XPNPEP1: variants seen among roughly 807,000 people sequenced by gnomAD.
XPNPEP1 encodes xaa-Pro aminopeptidase 1.
XPNPEP1 carries 39 observed loss-of-function variants against 92.4 expected under a neutral mutation model. That is an observed-to-expected ratio of 0.42 (90% CI 0.33 to 0.55). The LOEUF is 0.55. XPNPEP1 is among the 20% of genes least tolerant of loss of function. The pLI, the probability that XPNPEP1 is intolerant of heterozygous loss-of-function variation, is 0.08. For synonymous variants in XPNPEP1, 307 were observed against 299.4 expected (o/e 1.03, Z -0.26); for missense variants, 654 against 856.1 (o/e 0.76, Z 2.95).
intron 2 of XPNPEP1, among the ~76,000 whole-genome samples, chr10:109,912,960 T>C (rs1472668792): frequency 6.6e-6 from 1 of 152,192 alleles, no homozygotes; most frequent in African/African-American, 2.4e-5. Context: ...TCTTGCAAGG[T>C]GCTGTATTAT....
At chr10:109,876,373 C>T (rs1486716237) in intron 14 of XPNPEP1, 1 of 152,220 alleles carries the variant, frequency 6.6e-6, no homozygotes, top group Non-Finnish European at 1.5e-5. Context: ...CACACACAAG[C>T]TGAACAACTA....
chr10:109,892,880 T>C, intron 4 of XPNPEP1, 132 bp downstream of exon 4: 1 of 869,700 alleles, frequency 1.1e-6, no homozygotes, highest in Non-Finnish European at 1.8e-6. Context: ...CACACCTTTC[T>C]GCAGAGAGTC....
chr10:109,882,036 T>A (rs1848128126), intron 10 of XPNPEP1, among the ~76,000 whole-genome samples: 1 of 152,258 alleles, frequency 6.6e-6, no homozygotes, highest in Non-Finnish European at 1.5e-5. Context: ...TCTTAACTGC[T>A]GTACCCTTAT....
At chr10:109,883,313 C>A (rs373300850) in intron 9 of XPNPEP1, among the ~76,000 whole-genome samples, 2 of 152,058 alleles carry the variant, frequency 1.3e-5, no homozygotes, top group South Asian at 2.1e-4. Flanking sequence ...GTTCCCCGCC[C>A]CTCCTCACCC....
intron 14 of XPNPEP1, chr10:109,876,027 A>G (rs41291880): frequency 0.19 from 30,703 of 160,460 alleles, 3,425 homozygotes; most frequent in South Asian, 0.38. Flanking sequence ...CCCCTGCCTC[A>G]GCCTCCAGGC....
In XPNPEP1 at chr10:109,888,133, T is replaced by C; in HGVS notation, c.568A>G (p.Lys190Glu). 1.2e-6 allele frequency: 2 copies of C among 1,614,004 alleles called. No homozygotes were observed. The highest frequency in any genetic ancestry group is 1.7e-6 in the Non-Finnish European group (2 of 1,180,020). ...CAGATTTTGTCAACGAGGTTCTCCTTGACAGGAATGAGGTGATGGCCGGCA... is the reference window on the plus strand; with the variant it reads ...CAGATTTTGTCAACGAGGTTCTCCTCGACAGGAATGAGGTGATGGCCGGCA... Reference protein sequence around the residue: ...RSAGHHLIPVKENLVDKIWTD... With the variant: ...RSAGHHLIPVEENLVDKIWTD... The change falls in exon 7 of 21, where the codon AAG becomes GAG. Residue 190 changes from lysine (K) to glutamate (E), a missense_variant. By Grantham distance (56) the Lys-to-Glu change is moderately conservative (BLOSUM62 1). Transcript: ENST00000502935.
chr10:109,920,348 T>C (rs187034148), intron 1 of XPNPEP1, among the ~76,000 whole-genome samples: 32 of 152,364 alleles, frequency 2.1e-4, no homozygotes, highest in African/African-American at 7.2e-4. Context: ...TTGTACATTT[T>C]AACAGATGAA....
chr10:109,868,544 G>A, intron 20 of XPNPEP1, 70 bp downstream of exon 20: 1 of 1,281,898 alleles, frequency 7.8e-7, no homozygotes, highest in Non-Finnish European at 1.1e-6. Context: ...TTAGAGGATG[G>A]ATTAGAACTA....
chr10:109,904,760 G>A (rs556535119), intron 3 of XPNPEP1, among the ~76,000 whole-genome samples: 3 of 152,290 alleles, frequency 2.0e-5, no homozygotes, highest in African/African-American at 7.2e-5. Context: ...ACAAAAAATA[G>A]CAAGTGTTGG....
At chr10:109,914,657 G>A (rs1589634618) in intron 2 of XPNPEP1, among the ~76,000 whole-genome samples, 1 of 152,032 alleles carries the variant, frequency 6.6e-6, no homozygotes, top group African/African-American at 2.4e-5. Context: ...TTAGCTGGGC[G>A]TGGTGTCGGG....
At chr10:109,893,565 A>T (rs569585609) in intron 3 of XPNPEP1, 1 of 156,096 alleles carries the variant, frequency 6.4e-6, no homozygotes, top group Non-Finnish European at 1.4e-5. Flanking sequence ...AATCTCTCCC[A>T]TGCAGACCCT....
At chr10:109,898,524 C>A (rs1204392457) in intron 3 of XPNPEP1, among the ~76,000 whole-genome samples, 1 of 152,172 alleles carries the variant, frequency 6.6e-6, no homozygotes, top group African/African-American at 2.4e-5. Context: ...AGAGGTTTGA[C>A]TGGGCCACCA....
intron 20 of XPNPEP1, among the ~76,000 whole-genome samples, chr10:109,868,148 G>A (rs1412109706): frequency 1.3e-5 from 2 of 152,138 alleles, no homozygotes; most frequent in Non-Finnish European, 2.9e-5. Context: ...TTGTCTGTGT[G>A]AAAACAGGAC....
At chr10:109,900,977 T>C (rs1849255381) in intron 3 of XPNPEP1, among the ~76,000 whole-genome samples, 1 of 152,090 alleles carries the variant, frequency 6.6e-6, no homozygotes, top group South Asian at 2.1e-4. Context: ...TAAAGACACA[T>C]GCACACATAT....
chr10:109,916,537 C>T (rs763116431), intron 1 of XPNPEP1, among the ~76,000 whole-genome samples: 13 of 152,204 alleles, frequency 8.5e-5, no homozygotes, highest in Non-Finnish European at 1.6e-4. Context: ...GACACATTAG[C>T]TCAGTCTACC....
chr10:109,885,307 A>C (rs1848328908), intron 8 of XPNPEP1, among the ~76,000 whole-genome samples: 1 of 152,260 alleles, frequency 6.6e-6, no homozygotes, highest in African/African-American at 2.4e-5. Flanking sequence ...GATACAGTGA[A>C]AAAATCAGGC....
intron 8 of XPNPEP1, among the ~76,000 whole-genome samples, chr10:109,885,161 ATAATAAATTACAGGAT>A (rs1300648573): frequency 6.6e-6 from 1 of 152,238 alleles, no homozygotes. Context: ...TGGTAGCATC[ATAATAAATTACAGGAT>A]TACTGCAAAT....
At chr10:109,884,851 G>A (rs1396598274) in intron 8 of XPNPEP1, among the ~76,000 whole-genome samples, 4 of 152,178 alleles carry the variant, frequency 2.6e-5, no homozygotes, top group Admixed American at 1.3e-4. Context: ...TCCAGCTTCC[G>A]TCACTTGTTC....
intron 15 of XPNPEP1, chr10:109,873,676 C>T (rs1020192289): frequency 1.4e-5 from 7 of 502,114 alleles, no homozygotes; most frequent in South Asian, 2.8e-5. Flanking sequence ...AAAACTTGTA[C>T]ATGAAGGTTC....
Sources: allele counts gnomAD v4.1 joint callset (sites outside exome capture counted in the v4.1 genomes callset), GRCh38; gene constraint gnomAD v4.1.1; transcripts MANE v1.5; gene names NCBI Gene and HGNC (gene_info 2026-07-23, HGNC 2026-07-21).